Variants in GPR39 observed in about 807,000 individuals in gnomAD.
GPR39 encodes zinc sensing receptor.
GPR39 carries 23 observed loss-of-function variants against 18.4 expected under a neutral mutation model. The observed-to-expected ratio is 1.25, with a 90% CI of 0.90 to 1.77. GPR39 has a LOEUF of 1.77. Among genes scored for constraint, GPR39 ranks in the 40% most tolerant of loss-of-function variants. The pLI, the probability that GPR39 is intolerant of heterozygous loss-of-function variation, is 0.00. For missense variants in GPR39, 647 were observed against 602.4 expected, an observed-to-expected ratio of 1.07 and a Z score of -0.78; for synonymous variants, 280 against 257.9, an observed-to-expected ratio of 1.09 and a Z score of -0.82.
rs114205390 is a variant in GPR39, at chr2:132,578,693, G to C, written c.857-66408G>C. Among the ~76,000 whole-genome samples the C allele has an allele frequency of 8.5e-3, 1,286 of 152,188 alleles. 17 individuals are homozygous for C. Among genetic ancestry groups the C allele is most frequent in the African/African-American group, 0.029 (1,223 of 41,542 alleles). On this transcript the variant is annotated intron_variant, in intron 1 of 1. Coordinates refer to ENST00000329321, the MANE Select transcript of GPR39 (RefSeq NM_001508.3). ...ACCACTATTCACTCCAGATGAACTA[G>C]ATTGTTTGATTAGCCCTAAGCTATT...
chr2:132,617,409 T>C (rs112574611), intron 1 of GPR39, among the ~76,000 whole-genome samples: 3 of 152,304 alleles, frequency 2.0e-5, no homozygotes, highest in African/African-American at 7.2e-5. Flanking sequence ...TTGAACCTCA[T>C]TAATATTGTA....
rs778258456 is a variant in GPR39, at chr2:132,645,156, C to CA, written c.913dup (p.Met305AsnfsTer102). ...GGATGCCCAACCAGATTCGGAGGAT[C>CA]ATGGCTGCGGCCAAACCCAAGCACG... On this transcript the variant is annotated frameshift_variant, in exon 2 of 2. Transcript: ENST00000329321. LOFTEE classifies it low-confidence loss of function (END_TRUNC). The CA allele has an allele frequency of 3.7e-6, 6 of 1,614,050 alleles. No homozygotes were observed. The highest frequency in any genetic ancestry group is 4.2e-6 in the Non-Finnish European group (5 of 1,180,030).
chr2:132,608,233 CCTG>C (rs1681176467), intron 1 of GPR39, among the ~76,000 whole-genome samples: 1 of 152,166 alleles, frequency 6.6e-6, no homozygotes, highest in African/African-American at 2.4e-5. Context: ...TAATAAAACA[CCTG>C]CTCCTTGAAA....
intron 1 of GPR39, among the ~76,000 whole-genome samples, chr2:132,477,392 T>G (rs1240432476): frequency 2.6e-5 from 4 of 152,104 alleles, no homozygotes; most frequent in African/African-American, 9.6e-5. Context: ...CATAGTGATA[T>G]CCCATCTCTA....
intron 1 of GPR39, among the ~76,000 whole-genome samples, chr2:132,510,179 C>T (rs1200375992): frequency 1.3e-5 from 2 of 152,170 alleles, no homozygotes; most frequent in African/African-American, 4.8e-5. Context: ...AAGTTAAGCA[C>T]TGGGATGGTT....
At chr2:132,624,859 C>T (rs1681513547) in intron 1 of GPR39, among the ~76,000 whole-genome samples, 2 of 152,138 alleles carry the variant, frequency 1.3e-5, no homozygotes, top group African/African-American at 4.8e-5. Context: ...GTGTAGTTCC[C>T]AGTCGGGGAT....
At chr2:132,525,076 T>C (rs911962861) in intron 1 of GPR39, among the ~76,000 whole-genome samples, 5 of 152,046 alleles carry the variant, frequency 3.3e-5, no homozygotes, top group African/African-American at 1.2e-4. Context: ...AATTTGAGAG[T>C]TCACTCAAAT....
chr2:132,463,532 C>A (rs1156871814), intron 1 of GPR39, among the ~76,000 whole-genome samples: 3 of 150,790 alleles, frequency 2.0e-5, no homozygotes, highest in African/African-American at 7.3e-5. Context: ...GTTTATGCAT[C>A]GATTTTGGTC....
chr2:132,585,021 G>A (rs1680699731), intron 1 of GPR39, among the ~76,000 whole-genome samples: 1 of 152,204 alleles, frequency 6.6e-6, no homozygotes, highest in South Asian at 2.1e-4. Flanking sequence ...GGGCCAGAAG[G>A]CCATTCATGG....
chr2:132,545,898 G>C lies in GPR39; in HGVS notation c.857-99203G>C, dbSNP rs1020106258. On this transcript the variant is annotated intron_variant, in intron 1 of 1. Transcript: ENST00000329321. ...AGAGTCTGATCACTGCTGTCAACTA[G>C]TGTGGAGGACCCACATAGGAGAGAG... is the stretch of plus-strand genomic sequence containing the variant. Among the ~76,000 whole-genome samples, 3 of 152,280 alleles carry C rather than the reference G, an allele frequency of 2.0e-5. 1 individual carries two copies. The South Asian group carries it at 6.2e-4, about 32-fold the overall frequency.
chr2:132,526,887 T>C (rs1010217751), intron 1 of GPR39, among the ~76,000 whole-genome samples: 1 of 152,256 alleles, frequency 6.6e-6, no homozygotes, highest in Non-Finnish European at 1.5e-5. Context: ...GTTCAAATAA[T>C]GTGCTAGACC....
At chr2:132,579,721 T>C (rs1348858753) in intron 1 of GPR39, among the ~76,000 whole-genome samples, 1 of 151,994 alleles carries the variant, frequency 6.6e-6, no homozygotes, top group Non-Finnish European at 1.5e-5. Flanking sequence ...TTATTATATA[T>C]TTTTAATTTT....
intron 1 of GPR39, among the ~76,000 whole-genome samples, chr2:132,475,074 TCTG>T (rs1045089297): frequency 6.6e-5 from 10 of 152,132 alleles, no homozygotes; most frequent in African/African-American, 2.4e-4. Context: ...AGGCCATCAT[TCTG>T]CTCATGGTTC....
intron 1 of GPR39, among the ~76,000 whole-genome samples, chr2:132,586,575 C>T (rs967300464): frequency 3.9e-5 from 6 of 152,202 alleles, no homozygotes; most frequent in African/African-American, 1.2e-4. Context: ...CATCAACTCC[C>T]ACTTTCCTGG....
chr2:132,586,200 G>A (rs151049953), intron 1 of GPR39, among the ~76,000 whole-genome samples: 2 of 152,186 alleles, frequency 1.3e-5, no homozygotes, highest in African/African-American at 4.8e-5. Flanking sequence ...CGCTTAATAA[G>A]GCGGGTGGCG....
intron 1 of GPR39, among the ~76,000 whole-genome samples, chr2:132,532,020 A>C (rs1489156662): frequency 6.6e-5 from 10 of 152,210 alleles, no homozygotes; most frequent in Admixed American, 6.5e-4. Flanking sequence ...TGAAGGAGAT[A>C]GAGACACAAA....
intron 1 of GPR39, among the ~76,000 whole-genome samples, chr2:132,577,574 A>G (rs7582448): frequency 0.12 from 18,628 of 152,172 alleles, 3,671 homozygotes; most frequent in African/African-American, 0.42. Context: ...ACAGCGTTGT[A>G]TAGTTTTTAG....
At chr2:132,633,980 T>TG (rs1197638332) in intron 1 of GPR39, among the ~76,000 whole-genome samples, 10 of 139,610 alleles carry the variant, frequency 7.2e-5, no homozygotes, top group African/African-American at 3.2e-4. Context: ...GTGGAGTTGG[T>TG]GTAGAGGTGG....
intron 1 of GPR39, among the ~76,000 whole-genome samples, chr2:132,479,438 T>C (rs1681190334): frequency 6.6e-6 from 1 of 152,170 alleles, no homozygotes; most frequent in South Asian, 2.1e-4. Flanking sequence ...ACTTGGAGGA[T>C]GATGAAGCAT....
Sources: gnomAD v4.1 joint callset for allele counts (sites outside exome capture counted in the v4.1 genomes callset) on GRCh38, gnomAD v4.1.1 for gene constraint, MANE v1.5 for transcripts, NCBI Gene and HGNC (gene_info 2026-07-23, HGNC 2026-07-21) for gene names.